Variants in LINGO2 observed in about 807,000 individuals in gnomAD.
LINGO2 encodes leucine-rich repeat and immunoglobulin-like domain-containing nogo receptor-interacting protein 2.
LINGO2 carries 14 observed loss-of-function variants against 30.6 expected under a neutral mutation model. The observed-to-expected ratio is 0.46, with a 90% CI of 0.30 to 0.72. The LOEUF is 0.72. Among genes scored for constraint, LINGO2 ranks in the 30% least tolerant of loss-of-function variants. The pLI is 0.07. For synonymous variants in LINGO2, 317 were observed against 288.5 expected, an observed-to-expected ratio of 1.10 and a Z score of -1.00; for missense variants, 729 against 751.7, an observed-to-expected ratio of 0.97 and a Z score of 0.35.
At chr9:28,320,237 AG>A (rs1321131329) in intron 3 of LINGO2, among the ~76,000 whole-genome samples, 5 of 152,260 alleles carry the variant, frequency 3.3e-5, no homozygotes, top group African/African-American at 1.2e-4. Context: ...AATTTGCTTG[AG>A]GTCATATATC....
chr9:27,947,566 G>T (rs1823414780), downstream of LINGO2, among the ~76,000 whole-genome samples: 1 of 152,068 alleles, frequency 6.6e-6, no homozygotes, highest in African/African-American at 2.4e-5. Flanking sequence ...AATCTAATTG[G>T]TAAGGAAGCA....
At chr9:28,271,174 A>T (rs949830730) in intron 4 of LINGO2, among the ~76,000 whole-genome samples, 3 of 151,960 alleles carry the variant, frequency 2.0e-5, no homozygotes, top group Admixed American at 1.3e-4. Flanking sequence ...AAAAACACAA[A>T]AAACTTAGAA....
At chr9:28,398,777 C>G (rs929034904) in intron 2 of LINGO2, among the ~76,000 whole-genome samples, 1 of 152,032 alleles carries the variant, frequency 6.6e-6, no homozygotes, top group South Asian at 2.1e-4. Context: ...CTGCATATTT[C>G]TTTATATTTT....
intron 5 of LINGO2, among the ~76,000 whole-genome samples, chr9:27,967,244 T>C (rs7852245): frequency 0.19 from 28,349 of 152,174 alleles, 6,570 homozygotes; most frequent in African/African-American, 0.54. Context: ...AGTTCTGCTC[T>C]GTGAAGACAT....
chr9:28,973,114 T>C, the LINGO2 span, among the ~76,000 whole-genome samples: 2 of 150,346 alleles, frequency 1.3e-5, no homozygotes, highest in Admixed American at 1.3e-4. Context: ...GGGTAGAATG[T>C]TTTTTCAAGG....
At chr9:28,545,939 A>C (rs748648337) in intron 1 of LINGO2, among the ~76,000 whole-genome samples, 4 of 152,086 alleles carry the variant, frequency 2.6e-5, no homozygotes, top group Non-Finnish European at 5.9e-5. Flanking sequence ...ACAACATTAT[A>C]CCATACAGTT....
chr9:27,960,217 T>A (rs1819772727), intron 5 of LINGO2, among the ~76,000 whole-genome samples: 2 of 152,208 alleles, frequency 1.3e-5, no homozygotes, highest in African/African-American at 2.4e-5. Flanking sequence ...GCTGTTAAAA[T>A]CTGGTTGTTC....
At chr9:28,035,003 C>T (rs1007519647) in intron 4 of LINGO2, among the ~76,000 whole-genome samples, 1 of 152,186 alleles carries the variant, frequency 6.6e-6, no homozygotes, top group Non-Finnish European at 1.5e-5. Flanking sequence ...TTCTCCATTC[C>T]ACAGCTCTTG....
chr9:28,027,470 A>G (rs113846938), intron 4 of LINGO2, among the ~76,000 whole-genome samples: 116 of 152,230 alleles, frequency 7.6e-4, no homozygotes, highest in Admixed American at 2.0e-3. Context: ...CAAAAAAATT[A>G]TTCAGCACCT....
At chr9:28,534,311 C>T (rs1419701072) in intron 1 of LINGO2, among the ~76,000 whole-genome samples, 1 of 152,140 alleles carries the variant, frequency 6.6e-6, no homozygotes, top group Non-Finnish European at 1.5e-5. Context: ...CATGTGCCAT[C>T]ACTTCTGGCT....
chr9:28,318,301 A>T (rs1289606835), intron 3 of LINGO2, among the ~76,000 whole-genome samples: 4 of 152,214 alleles, frequency 2.6e-5, no homozygotes, highest in Non-Finnish European at 5.9e-5. Context: ...AGTTAAATAC[A>T]GATCATGAAC....
At chr9:29,099,467 AT>A in the LINGO2 span, among the ~76,000 whole-genome samples, 3 of 152,208 alleles carry the variant, frequency 2.0e-5, no homozygotes, top group Non-Finnish European at 2.9e-5. Context: ...GGGAGAAAAT[AT>A]CTGTATACTA....
the LINGO2 span, among the ~76,000 whole-genome samples, chr9:29,078,171 G>C: frequency 6.6e-6 from 1 of 151,902 alleles, no homozygotes; most frequent in Non-Finnish European, 1.5e-5. Flanking sequence ...AACTAGAAAA[G>C]GAGCAGCAAT....
At chr9:28,054,956 T>A (rs929485004) in intron 4 of LINGO2, among the ~76,000 whole-genome samples, 1 of 152,094 alleles carries the variant, frequency 6.6e-6, no homozygotes, top group Admixed American at 6.6e-5. Flanking sequence ...TCTTTCCTCT[T>A]AAATGTGAAT....
At chr9:28,207,718 T>C (rs552166409) in intron 4 of LINGO2, among the ~76,000 whole-genome samples, 55 of 152,274 alleles carry the variant, frequency 3.6e-4, no homozygotes, top group South Asian at 3.3e-3. Flanking sequence ...ATTTATGAGT[T>C]CAAAAGAAAA....
chr9:28,894,664 A>G, the LINGO2 span, among the ~76,000 whole-genome samples: 1 of 151,844 alleles, frequency 6.6e-6, no homozygotes, highest in South Asian at 2.1e-4. Context: ...TTTACATTTT[A>G]ATAATATATA....
At chr9:28,040,595 A>G (rs911128937) in intron 4 of LINGO2, among the ~76,000 whole-genome samples, 1 of 152,236 alleles carries the variant, frequency 6.6e-6, no homozygotes, top group South Asian at 2.1e-4. Context: ...TCCAATACTA[A>G]CTGAGCGCTA....
Position 28,215,462 on chromosome 9 carries a change from G to C in LINGO2, c.-87+79746C>G, listed in dbSNP as rs538136708. Among the ~76,000 whole-genome samples, 4 of 151,914 alleles carry C rather than the reference G, an allele frequency of 2.6e-5. No homozygotes were observed. The South Asian group carries it at 8.3e-4, about 31-fold the overall frequency. ...GATAAATTGAAATCTATGCTCATTT[G>C]CACATGGGAATTAGAACCTTTATAT... On this transcript the variant is annotated intron_variant, in intron 4 of 5. Transcript: ENST00000379992.
At chr9:28,929,274 CT>C in the LINGO2 span, among the ~76,000 whole-genome samples, 1 of 152,130 alleles carries the variant, frequency 6.6e-6, no homozygotes, top group Non-Finnish European at 1.5e-5. Flanking sequence ...GAGTTCAGTT[CT>C]TTTTGGCTTT....
Sources: allele counts gnomAD v4.1 joint callset (sites outside exome capture counted in the v4.1 genomes callset), GRCh38; gene constraint gnomAD v4.1.1; transcripts MANE v1.5; gene names NCBI Gene and HGNC (gene_info 2026-07-23, HGNC 2026-07-21).